Variants in TCEA1 observed in about 807,000 individuals in gnomAD.
The protein encoded by TCEA1 is transcription elongation factor A1, also known as transcription elongation factor A protein 1.
TCEA1 carries 21 observed loss-of-function variants against 43.8 expected under a neutral mutation model. The ratio of observed to expected loss-of-function variants is 0.48; its 90% CI spans 0.34 to 0.69. The LOEUF (loss-of-function observed/expected upper bound fraction) is 0.69. Ranked by LOEUF, TCEA1 falls within the 30% of genes least tolerant of loss-of-function variation. The pLI is 0.01. For synonymous variants in TCEA1, 104 were observed against 117.5 expected, an observed-to-expected ratio of 0.88 and a Z score of 0.75; for missense variants, 250 against 365.1, an observed-to-expected ratio of 0.68 and a Z score of 2.57.
intron 2 of TCEA1, among the ~76,000 whole-genome samples, chr8:54,009,321 C>T (rs1340156333): frequency 6.6e-6 from 1 of 152,148 alleles, no homozygotes; most frequent in Admixed American, 6.5e-5. Flanking sequence ...AATCCCACTA[C>T]CAAATATTTA....
chr8:53,979,292 G>A (rs898922841), intron 7 of TCEA1, 121 bp from the exon 8 acceptor site: 120 of 1,093,728 alleles, frequency 1.1e-4, no homozygotes, highest in Non-Finnish European at 1.3e-4. Flanking sequence ...GGTTTTAAAA[G>A]CATTAAATTA....
At chr8:54,012,506 C>T (rs1183866797) in intron 1 of TCEA1, among the ~76,000 whole-genome samples, 3 of 152,180 alleles carry the variant, frequency 2.0e-5, no homozygotes, top group Non-Finnish European at 4.4e-5. Flanking sequence ...TTGCAGTGAG[C>T]CGAGATCGCG....
At chr8:53,978,797 G>T in intron 8 of TCEA1, 1 of 412,460 alleles carries the variant, frequency 2.4e-6, no homozygotes, top group Non-Finnish European at 4.3e-6. Flanking sequence ...CTCTTCCTAT[G>T]CCTAATTTAT....
chr8:54,018,656 T>G lies in TCEA1; in HGVS notation c.63+3407A>C, dbSNP rs116046803. ...AACAGCTTAAGCAGAAAACAGCTAA[T>G]ACCTAAAAATTTCGAACTACTTTCT... On this transcript the variant is annotated intron_variant, in intron 1 of 9. Coordinates refer to ENST00000521604, the MANE Select transcript of TCEA1 (RefSeq NM_006756.4). Among the ~76,000 whole-genome samples the G allele has an allele frequency of 1.1e-3, 173 of 152,310 alleles. 1 individual carries two copies. The highest frequency in any genetic ancestry group is 4.0e-3 in the African/African-American group (165 of 41,568).
At chr8:53,997,613 A>C (rs1804101211) in intron 3 of TCEA1, among the ~76,000 whole-genome samples, 1 of 152,222 alleles carries the variant, frequency 6.6e-6, no homozygotes, top group African/African-American at 2.4e-5. Context: ...AAAACAAAGG[A>C]GGGGCCAAGC....
intron 7 of TCEA1, among the ~76,000 whole-genome samples, chr8:53,980,349 T>C (rs573647369): frequency 6.6e-6 from 1 of 152,372 alleles, no homozygotes; most frequent in South Asian, 2.1e-4. Context: ...TCTGCGCTAT[T>C]GTGCTTCATT....
chr8:53,981,279 G>T (rs1211980007), intron 7 of TCEA1, among the ~76,000 whole-genome samples: 1 of 152,236 alleles, frequency 6.6e-6, no homozygotes, highest in East Asian at 1.9e-4. Context: ...GATTTTCAAT[G>T]TTGATGAATA....
intron 1 of TCEA1, 46 bp downstream of exon 1, chr8:54,022,017 C>T (rs1334474226): frequency 1.3e-6 from 2 of 1,547,816 alleles, no homozygotes; most frequent in Non-Finnish European, 1.7e-6. Flanking sequence ...TCGGGCCGGA[C>T]CGCGGCCCGG....
intron 5 of TCEA1, 76 bp downstream of exon 5, chr8:53,988,038 A>G: frequency 6.5e-7 from 1 of 1,532,694 alleles, no homozygotes. Flanking sequence ...CTCATCAAAC[A>G]GCAATATGGA....
intron 7 of TCEA1, among the ~76,000 whole-genome samples, chr8:53,981,927 CTTTT>C (rs35034211): frequency 3.1e-5 from 4 of 128,152 alleles, no homozygotes; most frequent in South Asian, 2.5e-4. Flanking sequence ...GCTAAGTTTT[CTTTT>C]TTTTTTTTTT....
At chr8:53,999,397 T>C (rs760474975) in intron 3 of TCEA1, among the ~76,000 whole-genome samples, 1 of 151,994 alleles carries the variant, frequency 6.6e-6, no homozygotes, top group Non-Finnish European at 1.5e-5. Context: ...ATATTTCTTA[T>C]ACTATGATTC....
At chr8:53,991,068 T>C (rs1471048035) in intron 4 of TCEA1, among the ~76,000 whole-genome samples, 5 of 152,080 alleles carry the variant, frequency 3.3e-5, no homozygotes, top group African/African-American at 7.2e-5. Context: ...ACAGGCTCTA[T>C]ACCTACACGT....
At chr8:53,968,233 G>T in intron 9 of TCEA1, 121 bp from the exon 10 acceptor site, 1 of 761,474 alleles carries the variant, frequency 1.3e-6, no homozygotes, top group Non-Finnish European at 2.0e-6. Context: ...AAAAGATGCT[G>T]TATTTTTCAC....
intron 1 of TCEA1, chr8:54,021,777 TAA>T (rs1013867560): frequency 1.8e-4 from 55 of 311,574 alleles, no homozygotes; most frequent in African/African-American, 1.0e-3. Context: ...CACGAAAGTT[TAA>T]AGTCAACGGA....
chr8:53,988,241 T>G lies in TCEA1; in HGVS notation c.339A>C (p.Val113=). 1 of 1,613,448 alleles carries G rather than the reference T, an allele frequency of 6.2e-7. No individual in the cohort carries two copies. The highest frequency in any genetic ancestry group is 8.5e-7 in the Non-Finnish European group (1 of 1,179,674). Residue 113 remains valine (V), a synonymous_variant, in exon 5 of 10, where the codon GTA becomes GTC. Coordinates refer to ENST00000521604, the MANE Select transcript of TCEA1 (RefSeq NM_006756.4). ...CATTTGTCTCATCCTTTCTGTTGCTTACATTGCCGCTGGAAGTACTGAAAT... is the reference window on the plus strand; with the variant it reads ...CATTTGTCTCATCCTTTCTGTTGCTGACATTGCCGCTGGAAGTACTGAAAT... The part of the protein sequence containing the change: ...AREESTSSGN[V]SNRKDETNAR...
intron 2 of TCEA1, among the ~76,000 whole-genome samples, chr8:54,008,034 T>C (rs993667505): frequency 6.6e-6 from 1 of 151,808 alleles, no homozygotes; most frequent in Non-Finnish European, 1.5e-5. Context: ...ATACAAAAAT[T>C]AGCTGGGCAT....
At chr8:54,014,099 C>A (rs1361153906) in intron 1 of TCEA1, among the ~76,000 whole-genome samples, 1 of 152,096 alleles carries the variant, frequency 6.6e-6, no homozygotes. Flanking sequence ...CCCTTAACTA[C>A]ACACAAAAAA....
chr8:54,014,546 C>T (rs780590919), intron 1 of TCEA1, among the ~76,000 whole-genome samples: 2 of 152,204 alleles, frequency 1.3e-5, no homozygotes, highest in African/African-American at 4.8e-5. Flanking sequence ...CTTTAATTTC[C>T]AGAGCCAAAT....
intron 2 of TCEA1, among the ~76,000 whole-genome samples, chr8:54,006,039 G>A (rs1804425749): frequency 6.6e-6 from 1 of 152,138 alleles, no homozygotes; most frequent in Non-Finnish European, 1.5e-5. Flanking sequence ...TCTATCTGCT[G>A]AGGGAGAACC....
Sources: allele counts gnomAD v4.1 joint callset (sites outside exome capture counted in the v4.1 genomes callset), GRCh38; gene constraint gnomAD v4.1.1; transcripts MANE v1.5; gene names NCBI Gene and HGNC (gene_info 2026-07-23, HGNC 2026-07-21).